Variants in NALCN observed in about 807,000 individuals in gnomAD.
NALCN encodes sodium leak channel NALCN.
NALCN carries 111 observed loss-of-function variants against 225.3 expected under a neutral mutation model. That is an observed-to-expected ratio of 0.49 (90% CI 0.42 to 0.58). The LOEUF (loss-of-function observed/expected upper bound fraction) is 0.58, where lower values mean the gene tolerates loss of function less well. Among genes scored for constraint, NALCN ranks in the 20% least tolerant of loss-of-function variants. NALCN has a pLI of 0.00. For missense variants in NALCN, 1,378 were observed against 2,202.4 expected (o/e 0.63, Z 7.49); for synonymous variants, 764 against 769.0 (o/e 0.99, Z 0.11).
At chr13:101,162,247 C>T (rs1287325420) in intron 15 of NALCN, among the ~76,000 whole-genome samples, 1 of 152,224 alleles carries the variant, frequency 6.6e-6, no homozygotes. Context: ...ACTTGATTTA[C>T]ATCCAACTCC....
At chr13:101,204,297 T>C (rs937842003) in intron 13 of NALCN, among the ~76,000 whole-genome samples, 2 of 152,236 alleles carry the variant, frequency 1.3e-5, no homozygotes, top group African/African-American at 4.8e-5. Flanking sequence ...CAGTTAATTC[T>C]GTGACTGCCT....
At position 101,229,435 on chromosome 13, in the gene NALCN, G is replaced by A. The variant is rs1298319566; in HGVS notation, c.1584C>T (p.Phe528=). ...ATCTGTCCAGTTCTTCGACAAAGCA[G>A]AACATCTGCAAACTAATTGCTGACA... ...IVMSAISLQM[F]CFVEELDRFT... is the part of the protein sequence containing the mutation. Residue 528 remains phenylalanine, a synonymous_variant, in exon 13 of 44, where the codon TTC becomes TTT. Transcript: ENST00000251127. 1 of 1,607,700 alleles carries A rather than the reference G, an allele frequency of 6.2e-7. No homozygotes were observed. Among genetic ancestry groups the A allele is most frequent in the Admixed American group, 1.7e-5 (1 of 58,688 alleles).
In NALCN at chr13:101,054,570, A is replaced by AT. The variant is rs1191984985; in HGVS notation, c.*724dup. 1 of 152,186 alleles carries AT rather than the reference A, an allele frequency of 6.6e-6. No homozygotes were observed. Among genetic ancestry groups the AT allele is most frequent in the African/African-American group, 2.4e-5 (1 of 41,444 alleles). 9.4% of individuals were successfully genotyped at this position (152,186 alleles called of 1,614,324 possible). Reference sequence around the variant, plus strand: ...TTTGCGCAACTATGTCACTCAAGTGATTTATCTACAGGTTTGTTTTAAACC... The same window carrying AT: ...TTTGCGCAACTATGTCACTCAAGTGATTTTATCTACAGGTTTGTTTTAAACC... On this transcript the variant is annotated 3_prime_UTR_variant, in exon 44 of 44. Transcript: ENST00000251127.
intron 18 of NALCN, among the ~76,000 whole-genome samples, chr13:101,121,243 T>C (rs1284599457): frequency 7.9e-5 from 12 of 152,070 alleles, no homozygotes; most frequent in African/African-American, 2.4e-5. Flanking sequence ...TCCCATGGAA[T>C]AGACAAGAGA....
At chr13:101,296,991 C>G (rs2043780495) in intron 7 of NALCN, among the ~76,000 whole-genome samples, 1 of 152,146 alleles carries the variant, frequency 6.6e-6, no homozygotes, top group South Asian at 2.1e-4. Context: ...TAGCTCTGAA[C>G]AAAATTATAT....
chr13:101,357,915 G>A (rs2046111474), intron 6 of NALCN, among the ~76,000 whole-genome samples: 1 of 152,102 alleles, frequency 6.6e-6, no homozygotes, highest in Non-Finnish European at 1.5e-5. Flanking sequence ...TGACAAACCT[G>A]ACAAAAACAA....
chr13:101,086,700 T>A (rs1261325313), intron 30 of NALCN, among the ~76,000 whole-genome samples: 2 of 152,140 alleles, frequency 1.3e-5, no homozygotes, highest in African/African-American at 2.4e-5. Context: ...TTTTTTGAGA[T>A]ATATGTTAAT....
chr13:101,206,267 T>G (rs1336382511), intron 13 of NALCN, among the ~76,000 whole-genome samples: 1 of 152,108 alleles, frequency 6.6e-6, no homozygotes, highest in African/African-American at 2.4e-5. Flanking sequence ...CAACTTTGAT[T>G]TCTCATTTCT....
At chr13:101,380,857 AAC>A (rs58640505) in intron 3 of NALCN, among the ~76,000 whole-genome samples, 7,398 of 145,358 alleles carry the variant, frequency 0.051, 453 homozygotes, top group African/African-American at 0.15. Flanking sequence ...ATGCCTAGCT[AAC>A]ACACACACAC....
intron 11 of NALCN, among the ~76,000 whole-genome samples, chr13:101,246,825 A>G (rs1212718209): frequency 2.0e-5 from 3 of 152,192 alleles, no homozygotes; most frequent in Non-Finnish European, 2.9e-5. Context: ...AAAATAAATG[A>G]CTCTTCATTT....
chr13:101,349,036 C>T (rs1390457374), intron 6 of NALCN, among the ~76,000 whole-genome samples: 1 of 152,060 alleles, frequency 6.6e-6, no homozygotes, highest in African/African-American at 2.4e-5. Context: ...AAGTGACTCT[C>T]TGGAGTTGGG....
At chr13:101,102,604 C>A (rs2034882489) in intron 26 of NALCN, among the ~76,000 whole-genome samples, 1 of 152,162 alleles carries the variant, frequency 6.6e-6, no homozygotes, top group African/African-American at 2.4e-5. Flanking sequence ...TCAATGTTTG[C>A]CCAGCTAGAA....
At chr13:101,201,518 T>C (rs2040120701) in intron 13 of NALCN, among the ~76,000 whole-genome samples, 1 of 152,214 alleles carries the variant, frequency 6.6e-6, no homozygotes, top group Non-Finnish European at 1.5e-5. Context: ...ATTTTATTAA[T>C]GGATATACCA....
intron 6 of NALCN, among the ~76,000 whole-genome samples, chr13:101,365,319 T>C (rs2046351712): frequency 6.6e-6 from 1 of 152,150 alleles, no homozygotes; most frequent in Non-Finnish European, 1.5e-5. Context: ...CTTCCTGTGT[T>C]AGTTTGCTTA....
chr13:101,390,664 G>C (rs1220052535), intron 3 of NALCN, among the ~76,000 whole-genome samples: 2 of 151,164 alleles, frequency 1.3e-5, no homozygotes, highest in Non-Finnish European at 3.0e-5. Flanking sequence ...AAGCCACTTC[G>C]AGGGAAAAAA....
At chr13:101,203,437 G>A (rs2040202623) in intron 13 of NALCN, among the ~76,000 whole-genome samples, 1 of 152,088 alleles carries the variant, frequency 6.6e-6, no homozygotes, top group South Asian at 2.1e-4. Flanking sequence ...GGCTGGTCTT[G>A]AACTCCTGAC....
chr13:101,400,750 T>TA (rs2139514745), intron 1 of NALCN, among the ~76,000 whole-genome samples: 1 of 152,248 alleles, frequency 6.6e-6, no homozygotes, highest in East Asian at 1.9e-4. Context: ...ACTCTCCTGA[T>TA]ATGGGTTGGC....
intron 9 of NALCN, among the ~76,000 whole-genome samples, chr13:101,291,724 T>A (rs894012993): frequency 2.0e-5 from 3 of 151,998 alleles, no homozygotes; most frequent in South Asian, 4.2e-4. Context: ...ATTTTTAAAA[T>A]TTTTTTGTAG....
chr13:101,215,096 G>T (rs968032400), intron 13 of NALCN, among the ~76,000 whole-genome samples: 3 of 152,152 alleles, frequency 2.0e-5, no homozygotes, highest in African/African-American at 4.8e-5. Flanking sequence ...AATAAAGCCT[G>T]ACCAGACCAA....
Sources: allele counts gnomAD v4.1 joint callset (sites outside exome capture counted in the v4.1 genomes callset), GRCh38; gene constraint gnomAD v4.1.1; transcripts MANE v1.5; gene names NCBI Gene and HGNC (gene_info 2026-07-23, HGNC 2026-07-21).